The following KAZN variants were observed in gnomAD, a reference collection of about 807,000 sequenced individuals.
KAZN encodes the protein kazrin, periplakin interacting protein.
KAZN carries 40 observed loss-of-function variants against 87.4 expected under a neutral mutation model. The observed-to-expected ratio is 0.46, with a 90% CI of 0.36 to 0.60. KAZN has a LOEUF of 0.60. KAZN is among the 20% of genes least tolerant of loss of function. KAZN has a pLI of 0.00. For missense variants in KAZN, 898 were observed against 1,073.9 expected, an observed-to-expected ratio of 0.84 and a Z score of 2.29; for synonymous variants, 466 against 458.3, an observed-to-expected ratio of 1.02 and a Z score of -0.22.
At chr1:14,127,585 T>C (rs1644901663) in intron 1 of KAZN, among the ~76,000 whole-genome samples, 1 of 152,148 alleles carries the variant, frequency 6.6e-6, no homozygotes, top group Non-Finnish European at 1.5e-5. Context: ...TCAGAAGTGC[T>C]CCGGCGTCCT....
Position 14,936,954 on chromosome 1 carries a change from G to T in KAZN, c.227-23730G>T, listed in dbSNP as rs140432531. Among the ~76,000 whole-genome samples the T allele has an allele frequency of 9.2e-5, 14 of 152,176 alleles. No homozygotes were observed. The East Asian group carries it at 2.7e-3, about 30-fold the overall frequency. On this transcript the variant is annotated intron_variant, in intron 1 of 14. Transcript: ENST00000376030. ...CCTGTCTGTCCCATGAACCACCCTG[G>T]CTCATTCCTACCCTTCACCTTGCTA...
upstream of KAZN, among the ~76,000 whole-genome samples, chr1:14,593,997 A>C (rs1024230311): frequency 1.3e-5 from 2 of 152,208 alleles, no homozygotes; most frequent in Non-Finnish European, 2.9e-5. Flanking sequence ...TGCGTGGTTC[A>C]TTCCTAAATC....
chr1:14,078,951 G>T (rs1288286071), intron 1 of KAZN, among the ~76,000 whole-genome samples: 1 of 152,218 alleles, frequency 6.6e-6, no homozygotes, highest in African/African-American at 2.4e-5. Context: ...CTCCCAAAGT[G>T]CTGGGATTAC....
chr1:14,713,343 A>C (rs1325676468), intron 1 of KAZN, among the ~76,000 whole-genome samples: 1 of 152,180 alleles, frequency 6.6e-6, no homozygotes, highest in Non-Finnish European at 1.5e-5. Context: ...GGCCTTTTGC[A>C]ATGCTCCTGG....
intron 1 of KAZN, among the ~76,000 whole-genome samples, chr1:14,169,759 T>C (rs959737354): frequency 2.6e-5 from 4 of 152,192 alleles, no homozygotes; most frequent in African/African-American, 9.7e-5. Flanking sequence ...AGGCACTGTT[T>C]TGAGTACTTC....
chr1:14,970,401 G>A (rs1664901081), intron 2 of KAZN, among the ~76,000 whole-genome samples: 1 of 152,206 alleles, frequency 6.6e-6, no homozygotes, highest in South Asian at 2.1e-4. Flanking sequence ...CCAACACAGA[G>A]ATCCTTTTAA....
At chr1:14,889,542 T>G (rs1572741053) in intron 1 of KAZN, among the ~76,000 whole-genome samples, 2 of 152,118 alleles carry the variant, frequency 1.3e-5, no homozygotes, top group Non-Finnish European at 2.9e-5. Context: ...TTGTCCAGAG[T>G]GTACTTAGCA....
intron 2 of KAZN, among the ~76,000 whole-genome samples, chr1:14,485,020 T>C (rs1255484963): frequency 6.6e-6 from 1 of 152,116 alleles, no homozygotes; most frequent in Non-Finnish European, 1.5e-5. Context: ...TTGTGCAAAC[T>C]TACATTGCAA....
At chr1:15,083,918 G>C (rs1374438038) in intron 8 of KAZN, among the ~76,000 whole-genome samples, 1 of 152,194 alleles carries the variant, frequency 6.6e-6, no homozygotes, top group South Asian at 2.1e-4. Flanking sequence ...ACTGGGAGGC[G>C]GGGAATTCAG....
intron 1 of KAZN, among the ~76,000 whole-genome samples, chr1:14,680,012 G>A (rs965185320): frequency 6.6e-6 from 1 of 152,162 alleles, no homozygotes; most frequent in African/African-American, 2.4e-5. Flanking sequence ...AGCTGACCAT[G>A]CAACTCGCCT....
intron 1 of KAZN, among the ~76,000 whole-genome samples, chr1:14,936,656 C>A (rs1386595202): frequency 6.6e-6 from 1 of 152,216 alleles, no homozygotes; most frequent in African/African-American, 2.4e-5. Flanking sequence ...TAAGTACTTA[C>A]CAGGCCCCCA....
At chr1:14,576,548 C>T (rs1054640847) in intron 2 of KAZN, among the ~76,000 whole-genome samples, 2 of 152,210 alleles carry the variant, frequency 1.3e-5, no homozygotes, top group Non-Finnish European at 2.9e-5. Context: ...AGTCATGCTC[C>T]TTCTCTAACC....
At chr1:14,812,697 T>C (rs1325686843) in intron 1 of KAZN, among the ~76,000 whole-genome samples, 2 of 151,948 alleles carry the variant, frequency 1.3e-5, no homozygotes, top group African/African-American at 4.8e-5. Flanking sequence ...AAATTTTTTG[T>C]AGAGATGAGG....
intron 2 of KAZN, among the ~76,000 whole-genome samples, chr1:14,337,299 G>C (rs1657340027): frequency 6.7e-6 from 1 of 148,482 alleles, no homozygotes; most frequent in Non-Finnish European, 1.5e-5. Context: ...TCTGTGGAGG[G>C]AAGGATGAAA....
chr1:13,899,099 C>T (rs1276555567), intron 1 of KAZN, among the ~76,000 whole-genome samples: 1 of 152,182 alleles, frequency 6.6e-6, no homozygotes, highest in Non-Finnish European at 1.5e-5. Context: ...TGTGTAGGAC[C>T]TGTTTCTTGC....
chr1:14,920,261 T>A (rs1050510499), intron 1 of KAZN, among the ~76,000 whole-genome samples: 1 of 147,442 alleles, frequency 6.8e-6, no homozygotes, highest in African/African-American at 2.5e-5. Context: ...TTTTTCTGTC[T>A]GCAGCCTCTT....
chr1:15,101,481 C>G, intron 10 of KAZN, 62 bp from the exon 11 acceptor site: 3 of 1,144,246 alleles, frequency 2.6e-6, no homozygotes, highest in Non-Finnish European at 3.8e-6. Context: ...CATTTCTGCC[C>G]GTCCGTCTGT....
intron 2 of KAZN, among the ~76,000 whole-genome samples, chr1:14,457,315 C>A (rs112629431): frequency 3.7e-4 from 56 of 152,282 alleles, no homozygotes; most frequent in African/African-American, 1.3e-3. Context: ...TATAGAGTTT[C>A]TCTTCTCTAA....
At chr1:14,148,254 T>C (rs1441281756) in intron 1 of KAZN, among the ~76,000 whole-genome samples, 5 of 152,114 alleles carry the variant, frequency 3.3e-5, no homozygotes, top group Non-Finnish European at 7.4e-5. Context: ...TAATAGAAAC[T>C]TTAATTATTC....
Sources: allele counts gnomAD v4.1 joint callset (sites outside exome capture counted in the v4.1 genomes callset), GRCh38; gene constraint gnomAD v4.1.1; transcripts MANE v1.5; gene names NCBI Gene and HGNC (gene_info 2026-07-23, HGNC 2026-07-21).